The following SMARCAD1 variants were observed in gnomAD, a reference collection of about 807,000 sequenced individuals.
SMARCAD1 encodes SNF2 related chromatin remodeling ATPase with DExD box 1.
A neutral mutation model predicts 127.1 loss-of-function variants in SMARCAD1; 25 were observed. The ratio of observed to expected loss-of-function variants is 0.20; its 90% confidence interval spans 0.14 to 0.27. The LOEUF (loss-of-function observed/expected upper bound fraction) is 0.27, where lower values mean the gene tolerates loss of function less well. Among genes scored for constraint, SMARCAD1 ranks in the 10% least tolerant of loss-of-function variants. The probability of loss-of-function intolerance (pLI) is 1.00; values close to 1 mark genes in which losing one functional copy is unlikely to be tolerated. For missense variants in SMARCAD1, 807 were observed against 1,206.0 expected, an observed-to-expected ratio of 0.67 and a Z score of 4.90; for synonymous variants, 400 against 396.9, an observed-to-expected ratio of 1.01 and a Z score of -0.09.
At chr4:94,233,369 T>C (rs1746140333) in intron 3 of SMARCAD1, among the ~76,000 whole-genome samples, 1 of 152,220 alleles carries the variant, frequency 6.6e-6, no homozygotes, top group East Asian at 1.9e-4. Context: ...TTATAAAGGA[T>C]AAACATATGA....
At chr4:94,258,329 A>G (rs1212548749) in intron 9 of SMARCAD1, among the ~76,000 whole-genome samples, 3 of 151,696 alleles carry the variant, frequency 2.0e-5, no homozygotes, top group Admixed American at 2.0e-4. Context: ...TAATTTTTGT[A>G]TTTTTAGCAG....
rs1260624699 is a variant in SMARCAD1 at position 94,291,286 on chromosome 4, A to C, written c.*1752A>C. The C allele has an allele frequency of 1.1e-5, 5 of 444,274 alleles. No individual in the cohort carries two copies. The highest frequency in any genetic ancestry group is 1.0e-4 in the African/African-American group (5 of 49,174). 27.5% of individuals were successfully genotyped at this position (444,274 alleles called of 1,614,324 possible). A position where few individuals can be genotyped will look rare whatever the true frequency, so the allele number is the denominator to read the frequency against. On this transcript the variant is annotated 3_prime_UTR_variant, in exon 24 of 24. Transcript: ENST00000354268. ...CTTGGGCTTAATAAAAATATTTGTG[A>C]TCATAAGTTGTATTTTCACACCCTT...
intron 2 of SMARCAD1, among the ~76,000 whole-genome samples, chr4:94,223,720 A>G (rs573908048): frequency 7.3e-6 from 1 of 137,470 alleles, no homozygotes; most frequent in African/African-American, 2.8e-5. Flanking sequence ...GGCGTGCACC[A>G]CCACTCCCGG....
chr4:94,289,094 G>A (rs912052046), intron 23 of SMARCAD1, among the ~76,000 whole-genome samples: 2 of 147,474 alleles, frequency 1.4e-5, no homozygotes, highest in Admixed American at 1.4e-4. Context: ...ATTGGTTTTC[G>A]TTGGTTTAGG....
Position 94,233,852 on chromosome 4 carries a change from G to T in SMARCAD1, c.369-102G>T, listed in dbSNP as rs191826366. On this transcript the variant is annotated intron_variant, in intron 3 of 23. Transcript: ENST00000354268. ...TATAGATTGCATTTACTATTGAAAA[G>T]AACTGCAGATGTGTTGTACTATGTA... 101 of 1,202,426 alleles carry T rather than the reference G, an allele frequency of 8.4e-5. No homozygotes were observed. In the East Asian group the frequency reaches 2.2e-3, roughly 26 times the overall value. 74.5% of individuals were successfully genotyped at this position (1,202,426 alleles called of 1,614,324 possible). A position where few individuals can be genotyped will look rare whatever the true frequency, so the allele number is the denominator to read the frequency against.
chr4:94,247,392 A>G (rs1312159654), intron 6 of SMARCAD1, among the ~76,000 whole-genome samples: 1 of 152,190 alleles, frequency 6.6e-6, no homozygotes, highest in Non-Finnish European at 1.5e-5. Context: ...ATATTCAGTC[A>G]CCAGGGATAA....
At position 94,285,325 on chromosome 4, in the gene SMARCAD1, C is replaced by T. The variant is rs189809438; in HGVS notation, c.3019+256C>T. ...CAAAACTCAGAAATGAAAGAACAGA[C>T]GCCTCCTAGTCGCCCCATCTCCCAA... On this transcript the variant is annotated intron_variant, in intron 23 of 23. Transcript: ENST00000354268. Among the ~76,000 whole-genome samples, 20 of 152,206 alleles carry T rather than the reference C, an allele frequency of 1.3e-4. No homozygotes were observed. The East Asian group carries it at 2.9e-3, about 22-fold the overall frequency.
chr4:94,242,641 T>C (rs34383543), intron 6 of SMARCAD1, among the ~76,000 whole-genome samples: 57,426 of 151,524 alleles, frequency 0.38, 11,870 homozygotes, highest in East Asian at 0.71. Flanking sequence ...CATTAGCTTA[T>C]GCCTATAATC....
intron 9 of SMARCAD1, among the ~76,000 whole-genome samples, chr4:94,255,413 A>G (rs1232505257): frequency 3.9e-5 from 6 of 152,052 alleles, no homozygotes; most frequent in Admixed American, 3.9e-4. Context: ...AAATGATTAA[A>G]TGTAATCATT....
chr4:94,257,570 C>T (rs1750293038), intron 9 of SMARCAD1, among the ~76,000 whole-genome samples: 1 of 151,926 alleles, frequency 6.6e-6, no homozygotes, highest in Non-Finnish European at 1.5e-5. Flanking sequence ...TAAGTGAGAG[C>T]CCCTCTTTCC....
intron 10 of SMARCAD1, among the ~76,000 whole-genome samples, chr4:94,267,679 A>T (rs1242049325): frequency 6.6e-6 from 1 of 152,008 alleles, no homozygotes; most frequent in East Asian, 1.9e-4. Context: ...ATTTTCTTTC[A>T]TTATCTCAGA....
At chr4:94,253,094 G>T in intron 9 of SMARCAD1, 87 bp downstream of exon 9, 1 of 1,589,248 alleles carries the variant, frequency 6.3e-7, no homozygotes, top group Non-Finnish European at 8.5e-7. Context: ...TTCAGCCCAG[G>T]TAAGCATAGA....
chr4:94,233,080 T>C (rs575587722), intron 3 of SMARCAD1, among the ~76,000 whole-genome samples: 6 of 152,324 alleles, frequency 3.9e-5, no homozygotes, highest in Admixed American at 6.5e-5. Flanking sequence ...AGAAATAACA[T>C]GAGTACATAT....
chr4:94,282,092 G>T (rs1455529446), intron 21 of SMARCAD1, among the ~76,000 whole-genome samples: 11 of 111,010 alleles, frequency 9.9e-5, no homozygotes, highest in East Asian at 5.7e-4. Flanking sequence ...ATGCAAATAC[G>T]TTTTTTTGTT....
rs1228061804 is a variant in SMARCAD1 at position 94,238,643 on chromosome 4, A to G, written c.604+1625A>G. On this transcript the variant is annotated intron_variant, in intron 5 of 23. Transcript: ENST00000354268. ...AAAGAAAGAAAGAAAGAAAGAAAAA[A>G]CCTCCTGAAAAATGATACGCTCAGT... is the stretch of plus-strand genomic sequence containing the variant. Among the ~76,000 whole-genome samples the G allele has an allele frequency of 2.0e-5, 3 of 151,842 alleles. No individual in the cohort carries two copies. In the East Asian group the frequency reaches 5.8e-4, roughly 29 times the overall value.
intron 3 of SMARCAD1, among the ~76,000 whole-genome samples, chr4:94,228,635 A>C (rs1745378706): frequency 7.0e-6 from 1 of 142,412 alleles, no homozygotes; most frequent in Non-Finnish European, 1.5e-5. Context: ...TCTTGCAGTG[A>C]AAAAAAAAAA....
At chr4:94,225,233 G>T (rs2125831397) in intron 2 of SMARCAD1, among the ~76,000 whole-genome samples, 1 of 152,244 alleles carries the variant, frequency 6.6e-6, no homozygotes, top group South Asian at 2.1e-4. Flanking sequence ...TTTCACAATT[G>T]TGTAGCTTTG....
At chr4:94,210,244 G>C (rs1741982601) in intron 2 of SMARCAD1, among the ~76,000 whole-genome samples, 1 of 152,164 alleles carries the variant, frequency 6.6e-6, no homozygotes, top group South Asian at 2.1e-4. Flanking sequence ...AGCCTTGATG[G>C]CTTCGGGAAA....
At chr4:94,219,274 G>C (rs1256410830) in intron 2 of SMARCAD1, among the ~76,000 whole-genome samples, 2 of 152,160 alleles carry the variant, frequency 1.3e-5, no homozygotes, top group Admixed American at 1.3e-4. Flanking sequence ...TGCAAGACAG[G>C]TATAAAGGTT....
Sources: gnomAD v4.1 joint callset for allele counts (sites outside exome capture counted in the v4.1 genomes callset) on GRCh38, gnomAD v4.1.1 for gene constraint, MANE v1.5 for transcripts, NCBI Gene and HGNC (gene_info 2026-07-23, HGNC 2026-07-21) for gene names.